GPC5: variants seen among roughly 807,000 people sequenced by gnomAD.
GPC5 encodes glypican-5.
In GPC5, 47 loss-of-function variants were observed where a neutral mutation model predicts 53.9. The ratio of observed to expected loss-of-function variants is 0.87; its 90% CI spans 0.69 to 1.11. GPC5 has a LOEUF of 1.11. GPC5 is among the 50% of genes most tolerant of loss of function. GPC5 has a pLI of 0.00. For missense variants in GPC5, 748 were observed against 713.1 expected, an observed-to-expected ratio of 1.05 and a Z score of -0.56; for synonymous variants, 286 against 263.3, an observed-to-expected ratio of 1.09 and a Z score of -0.84.
intron 7 of GPC5, among the ~76,000 whole-genome samples, chr13:92,554,713 G>T (rs1882434423): frequency 6.6e-6 from 1 of 150,616 alleles, no homozygotes; most frequent in Non-Finnish European, 1.5e-5. Flanking sequence ...CAAAATATAT[G>T]AAACATTATA....
chr13:91,646,879 G>A (rs1222262861), intron 2 of GPC5, among the ~76,000 whole-genome samples: 1 of 152,126 alleles, frequency 6.6e-6, no homozygotes, highest in Non-Finnish European at 1.5e-5. Flanking sequence ...TGTAAAAGTG[G>A]AGAAGAATTA....
chr13:92,186,733 TGTGTAATACA>T (rs1328709503), intron 7 of GPC5, among the ~76,000 whole-genome samples: 1 of 152,182 alleles, frequency 6.6e-6, no homozygotes. Flanking sequence ...AATCCACTCA[TGTGTAATACA>T]GTGTCTCATT....
intron 7 of GPC5, among the ~76,000 whole-genome samples, chr13:92,521,529 G>C (rs1443100587): frequency 1.3e-5 from 2 of 152,140 alleles, no homozygotes; most frequent in East Asian, 1.9e-4. Flanking sequence ...AATGGGGAAA[G>C]GATTCCCTAT....
intron 6 of GPC5, among the ~76,000 whole-genome samples, chr13:92,035,336 A>G (rs1283968583): frequency 1.3e-5 from 2 of 152,106 alleles, no homozygotes; most frequent in Non-Finnish European, 2.9e-5. Context: ...TCTCCCTGGC[A>G]GTGTCAGTTA....
At chr13:92,857,241 G>T (rs527368402) in intron 7 of GPC5, among the ~76,000 whole-genome samples, 1 of 152,178 alleles carries the variant, frequency 6.6e-6, no homozygotes, top group Admixed American at 6.5e-5. Context: ...TCAATAAATG[G>T]TACTGGGAAA....
intron 4 of GPC5, among the ~76,000 whole-genome samples, chr13:91,750,822 C>T (rs941297486): frequency 2.0e-4 from 30 of 151,936 alleles, no homozygotes; most frequent in African/African-American, 7.0e-4. Flanking sequence ...GCCACCATGC[C>T]CGGCTAATTT....
At chr13:91,498,239 A>ATTTTTTT (rs60732957) in intron 2 of GPC5, among the ~76,000 whole-genome samples, 2 of 110,232 alleles carry the variant, frequency 1.8e-5, no homozygotes, top group African/African-American at 3.4e-5. Context: ...CTACCCAAAG[A>ATTTTTTT]TTTTTTTTTT....
chr13:92,113,367 G>A (rs192956423), intron 6 of GPC5, among the ~76,000 whole-genome samples: 20 of 152,138 alleles, frequency 1.3e-4, no homozygotes, highest in African/African-American at 4.8e-4. Flanking sequence ...CTGTATAACT[G>A]TTACAACAAA....
chr13:92,683,024 G>A (rs1328159490), intron 7 of GPC5, among the ~76,000 whole-genome samples: 1 of 152,138 alleles, frequency 6.6e-6, no homozygotes, highest in East Asian at 1.9e-4. Flanking sequence ...ATGACCCTGA[G>A]GTGTGAGGTA....
chr13:91,732,788 C>T (rs1371382630), intron 4 of GPC5, among the ~76,000 whole-genome samples: 2 of 152,062 alleles, frequency 1.3e-5, no homozygotes, highest in East Asian at 3.9e-4. Flanking sequence ...AATCCTTTTC[C>T]CATTGCTTGT....
At chr13:91,486,755 A>G (rs1279204446) in intron 2 of GPC5, 3 of 152,228 alleles carry the variant, frequency 2.0e-5, no homozygotes, top group African/African-American at 4.8e-5. Flanking sequence ...ATTACTTAGT[A>G]TGAGAAAGAA....
chr13:92,027,477 A>G (rs1039730144), intron 6 of GPC5, among the ~76,000 whole-genome samples: 1 of 152,188 alleles, frequency 6.6e-6, no homozygotes, highest in African/African-American at 2.4e-5. Flanking sequence ...GGTTTTCAAG[A>G]AACTATTGAC....
chr13:92,214,394 G>A (rs889063414), intron 7 of GPC5, among the ~76,000 whole-genome samples: 1 of 152,058 alleles, frequency 6.6e-6, no homozygotes, highest in African/African-American at 2.4e-5. Flanking sequence ...GTCCACCTAA[G>A]AGCCTTATTT....
chr13:91,800,435 G>C (rs556992604), intron 5 of GPC5, among the ~76,000 whole-genome samples: 1 of 150,454 alleles, frequency 6.6e-6, no homozygotes, highest in South Asian at 2.1e-4. Context: ...GTAAACATAT[G>C]TCACTCAAAT....
At chr13:92,518,174 G>A (rs1047480556) in intron 7 of GPC5, among the ~76,000 whole-genome samples, 5 of 152,168 alleles carry the variant, frequency 3.3e-5, no homozygotes, top group African/African-American at 1.2e-4. Flanking sequence ...AAAGTGAGGG[G>A]AGAATGGAAC....
intron 7 of GPC5, among the ~76,000 whole-genome samples, chr13:92,469,955 GGTATTAATA>G (rs1448600336): frequency 2.0e-5 from 3 of 152,046 alleles, no homozygotes; most frequent in African/African-American, 7.2e-5. Flanking sequence ...ATATGAAAAT[GGTATTAATA>G]GTTATAGTCT....
chr13:92,019,546 A>G (rs1010715361), intron 6 of GPC5, among the ~76,000 whole-genome samples: 1 of 152,112 alleles, frequency 6.6e-6, no homozygotes, highest in Non-Finnish European at 1.5e-5. Flanking sequence ...TCTGTTGCTC[A>G]TGTTTCTCTG....
chr13:92,862,370 A>C (rs539059930), intron 7 of GPC5, among the ~76,000 whole-genome samples: 1 of 152,262 alleles, frequency 6.6e-6, no homozygotes, highest in Admixed American at 6.6e-5. Context: ...GACTATAGCT[A>C]CCTTAAAAAT....
intron 6 of GPC5, among the ~76,000 whole-genome samples, chr13:91,993,266 C>T (rs2040473567): frequency 6.6e-6 from 1 of 152,174 alleles, no homozygotes; most frequent in Non-Finnish European, 1.5e-5. Context: ...CTCAAATCCT[C>T]TTTTAATTTT....
Sources: gnomAD v4.1 joint callset for allele counts (sites outside exome capture counted in the v4.1 genomes callset) on GRCh38, gnomAD v4.1.1 for gene constraint, MANE v1.5 for transcripts, NCBI Gene and HGNC (gene_info 2026-07-23, HGNC 2026-07-21) for gene names.